Variants in C6 observed in about 807,000 individuals in gnomAD.
C6 encodes complement component C6.
In C6, 101 loss-of-function variants were observed where a neutral mutation model predicts 112.9. The ratio of observed to expected loss-of-function variants is 0.89; its 90% confidence interval spans 0.76 to 1.06. The LOEUF is 1.06. Among genes scored for constraint, C6 ranks in the 50% least tolerant of loss-of-function variants. The probability of loss-of-function intolerance (pLI) is 0.00; values close to 1 mark genes in which losing one functional copy is unlikely to be tolerated. For missense variants in C6, 1,202 were observed against 1,104.6 expected (o/e 1.09, Z -1.25); for synonymous variants, 431 against 384.1 (o/e 1.12, Z -1.43).
chr5:41,199,331 GT>G lies in C6; in HGVS notation c.445+436del, dbSNP rs538585716. ...AAACTGACCTGAACTATGGCCAACTGTTTTTGTAAAGAAAATTTTATTGAAA... is the reference window on the plus strand; with the variant it reads ...AAACTGACCTGAACTATGGCCAACTGTTTTGTAAAGAAAATTTTATTGAAA... On this transcript the variant is annotated intron_variant, in intron 4 of 17. Transcript: ENST00000337836. Among the ~76,000 whole-genome samples the G allele has an allele frequency of 3.3e-3, 500 of 152,148 alleles. 2 individuals are homozygous for G. Among genetic ancestry groups the G allele is most frequent in the Middle Eastern group, 6.8e-3 (2 of 294 alleles).
intron 1 of C6, among the ~76,000 whole-genome samples, chr5:41,211,356 G>T (rs1751911520): frequency 6.6e-6 from 1 of 151,854 alleles, no homozygotes. Context: ...CCTTCACGTT[G>T]TGCACATGTA....
chr5:41,148,360 A>C (rs905179754), intron 17 of C6, among the ~76,000 whole-genome samples: 2 of 152,194 alleles, frequency 1.3e-5, no homozygotes, highest in East Asian at 3.8e-4. Flanking sequence ...TAACATGTAG[A>C]GTATGCTCCG....
At chr5:41,159,290 T>C (rs374804638) in intron 11 of C6, 37 bp from the exon 12 acceptor site, 1 of 1,605,392 alleles carries the variant, frequency 6.2e-7, no homozygotes, top group African/African-American at 1.3e-5. Context: ...TGGATCATGG[T>C]GCAGCTGAAT....
chr5:41,142,927 T>C lies in C6; in HGVS notation c.2703A>G (p.Gly901=), dbSNP rs1265141614. 1 of 1,613,610 alleles carries C rather than the reference T, an allele frequency of 6.2e-7. No homozygotes were observed. The highest frequency in any genetic ancestry group is 8.5e-7 in the Non-Finnish European group (1 of 1,179,704). Residue 901 remains glycine (G), a synonymous_variant, in exon 18 of 18, where the codon GGA becomes GGG. Transcript: ENST00000337836. ...GGNQLYCVKM[G]SSTSEKTLNI... is the part of the protein sequence containing the mutation. ...TCAATGTTTTCTCACTTGTTGATGA[T>C]CCCATTTTGACACAGTAGAGTTGGT... is the stretch of plus-strand genomic sequence containing the variant.
chr5:41,149,607 A>G, intron 16 of C6, 125 bp from the exon 17 acceptor site: 1 of 1,228,872 alleles, frequency 8.1e-7, no homozygotes, highest in Admixed American at 1.7e-5. Flanking sequence ...ACCCCACTCC[A>G]AGCCCTGGGC....
chr5:41,203,019 C>T, intron 2 of C6, 69 bp downstream of exon 2: 1 of 1,454,048 alleles, frequency 6.9e-7, no homozygotes, highest in African/African-American at 1.4e-5. Context: ...GTGTTGCACT[C>T]CTGATGTTGC....
chr5:41,220,916 C>T (rs1175095673), intron 1 of C6, among the ~76,000 whole-genome samples: 1 of 151,676 alleles, frequency 6.6e-6, no homozygotes, highest in Non-Finnish European at 1.5e-5. Flanking sequence ...TCCATGTGTG[C>T]CCAATGTATA....
At chr5:41,162,733 A>AGAT (rs2150275776) in intron 9 of C6, among the ~76,000 whole-genome samples, 1 of 152,312 alleles carries the variant, frequency 6.6e-6, no homozygotes, top group Admixed American at 6.5e-5. Flanking sequence ...TTCTATAGTA[A>AGAT]GATAGTCTAG....
rs759193640 is a variant in C6, at chr5:41,195,841, A to G, written c.538T>C (p.Cys180Arg). The G allele has an allele frequency of 3.7e-6, 6 of 1,613,860 alleles. No individual in the cohort carries two copies. Among genetic ancestry groups the G allele is most frequent in the South Asian group, 2.2e-5 (2 of 91,096 alleles). Residue 180 changes from cysteine to arginine, a missense_variant, in exon 5 of 18, where the codon TGC (cysteine) becomes CGC (arginine). Coordinates refer to ENST00000337836, the MANE Select transcript of C6 (RefSeq NM_000065.5). ...ERDCGRTKAVCTRKYNPIPSV... is the reference protein window; with the variant it reads ...ERDCGRTKAVRTRKYNPIPSV... ...GGGATGGGATTATACTTCCGTGTGC[A>G]TACTGCCTTTGTCCTCCCACAGTCC...
chr5:41,216,676 C>T (rs567209005), upstream of C6, among the ~76,000 whole-genome samples: 9 of 152,062 alleles, frequency 5.9e-5, no homozygotes, highest in Non-Finnish European at 1.0e-4. Context: ...TCTATGCATT[C>T]CTCATTTTTC....
intron 17 of C6, among the ~76,000 whole-genome samples, chr5:41,143,433 C>T (rs541513262): frequency 6.6e-6 from 1 of 152,326 alleles, no homozygotes; most frequent in East Asian, 1.9e-4. Flanking sequence ...CCAATGTCTT[C>T]AGCCTGTCCT....
At chr5:41,178,053 CT>C (rs2150315031) in intron 7 of C6, among the ~76,000 whole-genome samples, 1 of 152,226 alleles carries the variant, frequency 6.6e-6, no homozygotes, top group East Asian at 1.9e-4. Flanking sequence ...ACAAGTTAAA[CT>C]TTGGTAGCTC....
intron 6 of C6, among the ~76,000 whole-genome samples, chr5:41,184,976 A>G (rs1182094848): frequency 6.6e-6 from 1 of 152,180 alleles, no homozygotes; most frequent in African/African-American, 2.4e-5. Flanking sequence ...ACTACATGAA[A>G]TAGATGTTTG....
intron 16 of C6, 22 bp from the exon 17 acceptor site, chr5:41,149,504 G>A (rs1429164612): frequency 6.2e-7 from 1 of 1,613,360 alleles, no homozygotes; most frequent in Admixed American, 1.7e-5. Flanking sequence ...AGGAAAGCAA[G>A]CATTTCTATA....
intron 9 of C6, among the ~76,000 whole-genome samples, chr5:41,162,421 G>T (rs542299952): frequency 2.0e-5 from 3 of 152,174 alleles, no homozygotes; most frequent in Non-Finnish European, 4.4e-5. Context: ...TTTAAAGACA[G>T]AGGTGAAAGC....
chr5:41,146,812 A>G (rs1042936077), intron 17 of C6, among the ~76,000 whole-genome samples: 3 of 152,118 alleles, frequency 2.0e-5, no homozygotes, highest in African/African-American at 7.2e-5. Context: ...TGTACAGCAA[A>G]GCGGTAATAG....
chr5:41,196,198 A>C (rs188168731), intron 4 of C6, among the ~76,000 whole-genome samples: 36 of 152,158 alleles, frequency 2.4e-4, no homozygotes, highest in Admixed American at 9.8e-4. Context: ...TTCCCATTAC[A>C]GTGAGCCGCT....
chr5:41,180,279 T>C (rs1417543145), intron 7 of C6, among the ~76,000 whole-genome samples: 1 of 152,182 alleles, frequency 6.6e-6, no homozygotes, highest in Non-Finnish European at 1.5e-5. Flanking sequence ...TTCCTCCCTC[T>C]CTAGTTCCAT....
chr5:41,208,886 C>A (rs953538211), intron 1 of C6, among the ~76,000 whole-genome samples: 1 of 151,992 alleles, frequency 6.6e-6, no homozygotes, highest in African/African-American at 2.4e-5. Context: ...CCAGCATCAT[C>A]CTGATACCAA....
Sources: gnomAD v4.1 joint callset for allele counts (sites outside exome capture counted in the v4.1 genomes callset) on GRCh38, gnomAD v4.1.1 for gene constraint, MANE v1.5 for transcripts, NCBI Gene and HGNC (gene_info 2026-07-23, HGNC 2026-07-21) for gene names.